The following CCDC81 variants were observed in gnomAD, a reference collection of about 807,000 sequenced individuals.
CCDC81 encodes the protein coiled-coil domain-containing protein 81.
Under a neutral mutation model 83.7 loss-of-function variants are expected in CCDC81, and 79 were observed. The ratio of observed to expected loss-of-function variants is 0.94; its 90% CI spans 0.79 to 1.14. The LOEUF is 1.14. Ranked by LOEUF, CCDC81 falls within the 50% of genes most tolerant of loss-of-function variation. The probability of loss-of-function intolerance (pLI) is 0.00; values close to 1 mark genes in which losing one functional copy is unlikely to be tolerated. For synonymous variants in CCDC81, 252 were observed against 278.1 expected, an observed-to-expected ratio of 0.91 and a Z score of 0.93; for missense variants, 791 against 778.1, an observed-to-expected ratio of 1.02 and a Z score of -0.20.
At chr11:86,386,003 T>G (rs1174644799) in intron 1 of CCDC81, 48 bp from the exon 2 acceptor site, 1 of 893,812 alleles carries the variant, frequency 1.1e-6, no homozygotes, top group Non-Finnish European at 1.8e-6. Context: ...TACTGTCACA[T>G]GGGTGCGCAT....
intron 1 of CCDC81, among the ~76,000 whole-genome samples, chr11:86,378,329 A>G (rs1948126795): frequency 6.6e-6 from 1 of 152,140 alleles, no homozygotes; most frequent in South Asian, 2.1e-4. Context: ...GTAATCTGAC[A>G]GCAGGCATTG....
At chr11:86,406,318 T>C (rs1411350345) in intron 7 of CCDC81, among the ~76,000 whole-genome samples, 3 of 152,220 alleles carry the variant, frequency 2.0e-5, no homozygotes, top group South Asian at 2.1e-4. Context: ...TTCTTTCTTG[T>C]AGCTTTTAAG....
chr11:86,376,876 T>C (rs139018078), intron 1 of CCDC81, among the ~76,000 whole-genome samples: 2 of 152,322 alleles, frequency 1.3e-5, no homozygotes, highest in East Asian at 3.9e-4. Context: ...TTTGGACAAA[T>C]GTAAAATGAC....
At chr11:86,408,431 T>A (rs1948592730) in intron 9 of CCDC81, among the ~76,000 whole-genome samples, 161 bp downstream of exon 9, 1 of 152,200 alleles carries the variant, frequency 6.6e-6, no homozygotes, top group Non-Finnish European at 1.5e-5. Context: ...CTACTTGGGC[T>A]CAGATGATCC....
At chr11:86,420,757 G>C (rs1018408211) in intron 14 of CCDC81, among the ~76,000 whole-genome samples, 11 of 152,086 alleles carry the variant, frequency 7.2e-5, no homozygotes, top group Non-Finnish European at 5.9e-5. Flanking sequence ...TTTCCTTTTA[G>C]GTTTTCTTGT....
chr11:86,380,039 T>TC (rs1215160041), intron 1 of CCDC81, among the ~76,000 whole-genome samples: 17 of 114,820 alleles, frequency 1.5e-4, no homozygotes, highest in Admixed American at 6.3e-4. Context: ...TCGATGGTCT[T>TC]CCCTTTTTTT....
At chr11:86,408,591 C>T (rs1376118908) in intron 9 of CCDC81, among the ~76,000 whole-genome samples, 1 of 152,126 alleles carries the variant, frequency 6.6e-6, no homozygotes, top group African/African-American at 2.4e-5. Context: ...CTCCAACTCC[C>T]GCCTCTGCCT....
At chr11:86,409,400 G>A (rs1440651504) in intron 10 of CCDC81, 35 bp downstream of exon 10, 1 of 1,093,878 alleles carries the variant, frequency 9.1e-7, no homozygotes, top group Non-Finnish European at 1.3e-6. Flanking sequence ...GCTAACACCT[G>A]GCCCATCTGT....
At chr11:86,383,624 A>G (rs1169358571) in intron 1 of CCDC81, among the ~76,000 whole-genome samples, 10 of 152,210 alleles carry the variant, frequency 6.6e-5, no homozygotes, top group Non-Finnish European at 1.2e-4. Flanking sequence ...GATTGAAATA[A>G]GTAAGAACCC....
intron 1 of CCDC81, among the ~76,000 whole-genome samples, chr11:86,381,056 G>T (rs1948170649): frequency 6.6e-6 from 1 of 152,146 alleles, no homozygotes; most frequent in East Asian, 1.9e-4. Flanking sequence ...CTTTAGTAAT[G>T]TAGGGGTAGA....
rs1948691743 is a variant in CCDC81, at chr11:86,414,773, T to C, written c.1392-16T>C. ...TGCAAAACTGTGGTCCATCTTCTCTTGTTCTTAACTGCCAGACTTGCTGCG... is the reference window on the plus strand; with the variant it reads ...TGCAAAACTGTGGTCCATCTTCTCTCGTTCTTAACTGCCAGACTTGCTGCG... On this transcript the variant is annotated splice_polypyrimidine_tract_variant and intron_variant, in intron 11 of 14. Coordinates refer to ENST00000445632, the MANE Select transcript of CCDC81 (RefSeq NM_001156474.2). The C allele has an allele frequency of 1.3e-5, 20 of 1,586,688 alleles. No homozygotes were observed. The East Asian group carries it at 4.5e-4, about 35-fold the overall frequency.
chr11:86,383,928 T>C (rs555405776), intron 1 of CCDC81, among the ~76,000 whole-genome samples: 1 of 152,346 alleles, frequency 6.6e-6, no homozygotes, highest in East Asian at 1.9e-4. Flanking sequence ...TTAGGCTTTA[T>C]GGAATAAAAC....
intron 13 of CCDC81, chr11:86,419,302 A>C (rs1196577687): frequency 6.6e-6 from 1 of 152,228 alleles, no homozygotes; most frequent in Non-Finnish European, 1.5e-5. Flanking sequence ...GTGTTTGGAG[A>C]CCAGTGATAG....
At chr11:86,421,775 G>T (rs867009110) in intron 14 of CCDC81, among the ~76,000 whole-genome samples, 1 of 152,074 alleles carries the variant, frequency 6.6e-6, no homozygotes, top group Non-Finnish European at 1.5e-5. Flanking sequence ...AAAATTAGCT[G>T]GGTGTGGTGG....
intron 10 of CCDC81, among the ~76,000 whole-genome samples, chr11:86,409,832 T>C (rs1397017090): frequency 6.6e-6 from 1 of 152,198 alleles, no homozygotes; most frequent in Non-Finnish European, 1.5e-5. Context: ...TGTTGTCCAG[T>C]GTCTATAGCC....
At chr11:86,419,203 T>A (rs1340347958) in intron 13 of CCDC81, 1 of 152,228 alleles carries the variant, frequency 6.6e-6, no homozygotes, top group Non-Finnish European at 1.5e-5. Flanking sequence ...TAGATTTCAG[T>A]GAGAACTGAC....
rs1180786887 is a variant in CCDC81 at position 86,375,206 on chromosome 11, C to A, written c.43C>A (p.Gln15Lys). The A allele has an allele frequency of 6.2e-7, 1 of 1,612,768 alleles. No homozygotes were observed. The highest frequency in any genetic ancestry group is 1.1e-5 in the South Asian group (1 of 91,070). The change falls in exon 1 of 15, where the codon CAG becomes AAG. Residue 15 changes from glutamine (Q) to lysine (K), a missense_variant. Physicochemically the swap from Gln to Lys is moderately conservative, Grantham distance 53. Transcript: ENST00000445632. Reference protein sequence around the residue: ...IARALQDLGRQVLPTLPSLSQ... With the variant: ...IARALQDLGRKVLPTLPSLSQ... ...CCGTGCCCTGCAGGACCTGGGCAGG[C>A]AGGTGCTGCCCACTCTGCCCTCGCT...
intron 3 of CCDC81, among the ~76,000 whole-genome samples, chr11:86,392,337 A>G (rs1282909287): frequency 1.3e-5 from 2 of 152,258 alleles, no homozygotes; most frequent in Non-Finnish European, 2.9e-5. Context: ...TTATACTTTT[A>G]GAGAAAATTG....
chr11:86,422,874 C>T lies in CCDC81; in HGVS notation c.*159C>T, dbSNP rs1948814669. On this transcript the variant is annotated 3_prime_UTR_variant, in exon 15 of 15. Transcript: ENST00000445632. ...TTGTTAAGCCCTTATTGAATTCACT[C>T]CTGCTTTCCTCCCACCCCCAATTAT... is the stretch of plus-strand genomic sequence containing the variant. The T allele has an allele frequency of 8.7e-6, 6 of 691,828 alleles. No individual in the cohort carries two copies. In the East Asian group the frequency reaches 1.7e-4, roughly 19 times the overall value. The allele number at this position is 691,828 out of a possible 1,614,324, so 42.9% of individuals were successfully genotyped here. A position where few individuals can be genotyped will look rare whatever the true frequency, so the allele number is the denominator to read the frequency against.
Sources: allele counts gnomAD v4.1 joint callset (sites outside exome capture counted in the v4.1 genomes callset), GRCh38; gene constraint gnomAD v4.1.1; transcripts MANE v1.5; gene names NCBI Gene and HGNC (gene_info 2026-07-23, HGNC 2026-07-21).